Variants in CTBP2 observed in about 807,000 individuals in gnomAD.
CTBP2 encodes C-terminal-binding protein 2.
In CTBP2, 30 loss-of-function variants were observed where a neutral mutation model predicts 80.3. The ratio of observed to expected loss-of-function variants is 0.37; its 90% CI spans 0.28 to 0.51. CTBP2 has a LOEUF of 0.51. Among genes scored for constraint, CTBP2 ranks in the 20% least tolerant of loss-of-function variants. CTBP2 has a pLI of 0.93. For synonymous variants in CTBP2, 594 were observed against 587.4 expected (o/e 1.01, Z -0.16); for missense variants, 1,212 against 1,375.3 (o/e 0.88, Z 1.88).
rs144209188 is a variant in CTBP2 at position 125,002,967 on chromosome 10, G to A, written c.1971C>T (p.Gly657=). The A allele has an allele frequency of 3.5e-5, 56 of 1,612,690 alleles. No individual in the cohort carries two copies. In the Middle Eastern group the frequency reaches 5.6e-4, roughly 16 times the overall value. ...GCGCTGCCTCGCACTCACCGAGCTC[G>A]CCGGCAGCCTTGATGTCCACGTTGT... Residue 657 remains glycine, a synonymous_variant, in exon 3 of 9, where the codon GGC becomes GGT. Coordinates refer to ENST00000309035, the MANE Select transcript of CTBP2 (RefSeq NM_022802.3).
chr10:125,131,257 G>A (rs1302151253), intron 1 of CTBP2, among the ~76,000 whole-genome samples: 1 of 152,200 alleles, frequency 6.6e-6, no homozygotes, highest in East Asian at 1.9e-4. Context: ...AAGATCAGGA[G>A]CGTCTTCATG....
At chr10:125,130,317 G>A (rs1298339750) in intron 1 of CTBP2, among the ~76,000 whole-genome samples, 1 of 152,146 alleles carries the variant, frequency 6.6e-6, no homozygotes, top group Admixed American at 6.5e-5. Flanking sequence ...CAAAAATGCA[G>A]GGATTACAGG....
chr10:125,131,308 C>T (rs1564995904), intron 1 of CTBP2, among the ~76,000 whole-genome samples: 1 of 152,170 alleles, frequency 6.6e-6, no homozygotes, highest in Non-Finnish European at 1.5e-5. Context: ...ATTTTACAGC[C>T]CGACTTGCTT....
intron 1 of CTBP2, among the ~76,000 whole-genome samples, chr10:125,124,816 T>C (rs1854948453): frequency 6.6e-6 from 1 of 152,254 alleles, no homozygotes; most frequent in South Asian, 2.1e-4. Flanking sequence ...ACCAATCTTC[T>C]GCTACAGATC....
At chr10:125,009,038 A>G (rs993432357) in intron 1 of CTBP2, among the ~76,000 whole-genome samples, 3 of 152,160 alleles carry the variant, frequency 2.0e-5, no homozygotes, top group Admixed American at 6.5e-5. Context: ...ACAAATAGAG[A>G]ATGTGAGGTC....
chr10:125,068,963 T>C (rs1048743005), intron 2 of CTBP2, among the ~76,000 whole-genome samples: 29 of 152,208 alleles, frequency 1.9e-4, no homozygotes, highest in Non-Finnish European at 4.1e-4. Flanking sequence ...CAACTTATTT[T>C]ACTGCTGATC....
intron 2 of CTBP2, among the ~76,000 whole-genome samples, chr10:125,106,348 G>A (rs901793178): frequency 6.6e-6 from 1 of 152,338 alleles, no homozygotes; most frequent in Admixed American, 6.5e-5. Context: ...ACCCTGCAGT[G>A]TATGGGAAGC....
intron 1 of CTBP2, among the ~76,000 whole-genome samples, chr10:125,014,336 C>G (rs964604411): frequency 6.6e-6 from 1 of 152,190 alleles, no homozygotes; most frequent in Non-Finnish European, 1.5e-5. Context: ...CCTGTAGTCC[C>G]AGCTACTTAG....
At chr10:125,075,773 C>T (rs1846185769) in intron 2 of CTBP2, among the ~76,000 whole-genome samples, 1 of 152,196 alleles carries the variant, frequency 6.6e-6, no homozygotes, top group Non-Finnish European at 1.5e-5. Context: ...TTGCCAAATG[C>T]AGAGGATAAT....
In CTBP2 at chr10:125,027,345, A is replaced by C; in HGVS notation, c.415T>G (p.Tyr139Asp). The change falls in exon 1 of 9, where the codon TAC becomes GAC. Residue 139 changes from tyrosine (Y) to aspartate (D), a missense_variant. Transcript: ENST00000309035. ...GACGTTCTGCTGCCAAGCACTCCGT[A>C]GCTGGGGACCGGCCGGCTGACTCCT... The C allele has an allele frequency of 6.2e-7, 1 of 1,613,674 alleles. No individual in the cohort carries two copies. Among genetic ancestry groups the C allele is most frequent in the South Asian group, 1.1e-5 (1 of 91,070 alleles).
At chr10:125,018,669 G>A (rs559199339) in intron 1 of CTBP2, among the ~76,000 whole-genome samples, 2 of 152,248 alleles carry the variant, frequency 1.3e-5, no homozygotes, top group South Asian at 2.1e-4. Context: ...CCCCTACCTC[G>A]GCCCTGGCAA....
At chr10:125,081,601 T>C (rs1038798211) in intron 2 of CTBP2, among the ~76,000 whole-genome samples, 4 of 151,960 alleles carry the variant, frequency 2.6e-5, no homozygotes, top group Non-Finnish European at 4.4e-5. Context: ...AAAGGGTAAT[T>C]AGAAATTCTT....
intron 2 of CTBP2, among the ~76,000 whole-genome samples, chr10:125,093,118 T>C (rs1849035300): frequency 6.6e-6 from 1 of 152,240 alleles, no homozygotes; most frequent in Non-Finnish European, 1.5e-5. Context: ...CAAAGCCTGC[T>C]CAAGTATCAG....
intron 6 of CTBP2, among the ~76,000 whole-genome samples, chr10:124,993,634 A>G (rs1446682535): frequency 6.6e-6 from 1 of 151,938 alleles, no homozygotes; most frequent in Admixed American, 6.6e-5. Flanking sequence ...ACCCCCACCA[A>G]TTTTCTGCCT....
intron 2 of CTBP2, among the ~76,000 whole-genome samples, chr10:125,069,575 G>A (rs569974939): frequency 6.6e-6 from 1 of 152,338 alleles, no homozygotes; most frequent in East Asian, 1.9e-4. Context: ...GCCTGAGATC[G>A]TGCCATTGCA....
In CTBP2 at chr10:125,072,116, A is replaced by T. The variant is rs183099167; in HGVS notation, c.-101-32961T>A. Among the ~76,000 whole-genome samples, 549 of 152,310 alleles carry T rather than the reference A, an allele frequency of 3.6e-3. 2 individuals carry two copies. Among genetic ancestry groups the T allele is most frequent in the Non-Finnish European group, 6.4e-3 (436 of 68,018 alleles). ...CTCACGAGGTCAGGAGTTCGAGACC[A>T]GCCTGGCCAATATGGTGAAACCCCA... On this transcript the variant is annotated intron_variant, in intron 2 of 10. Transcript: ENST00000337195.
chr10:125,060,760 C>CG (rs1292538327), intron 2 of CTBP2, among the ~76,000 whole-genome samples: 3 of 152,160 alleles, frequency 2.0e-5, no homozygotes, highest in African/African-American at 7.2e-5. Context: ...TTCTCACAGT[C>CG]GAGGAATAAG....
chr10:125,026,140 C>T lies in CTBP2; in HGVS notation c.1620G>A (p.Lys540=). The change falls in exon 1 of 9, where the codon AAG becomes AAA. Residue 540 remains lysine, a synonymous_variant. Coordinates refer to ENST00000309035, the MANE Select transcript of CTBP2 (RefSeq NM_022802.3). ...TGGGTGCCCCTGTGCGCCGGGCCAC[C>T]TTCTGGTACGGTGAGTGAGGCGTGT... 1.2e-6 allele frequency: 2 copies of T among 1,600,906 alleles called. No individual in the cohort carries two copies. Among genetic ancestry groups the T allele is most frequent in the Non-Finnish European group, 1.7e-6 (2 of 1,170,256 alleles).
At chr10:125,057,906 C>T (rs987421786) in intron 2 of CTBP2, among the ~76,000 whole-genome samples, 1 of 152,144 alleles carries the variant, frequency 6.6e-6, no homozygotes, top group Non-Finnish European at 1.5e-5. Context: ...TCCTGGCCGT[C>T]CCACTTCCTG....
Sources: allele counts gnomAD v4.1 joint callset (sites outside exome capture counted in the v4.1 genomes callset), GRCh38; gene constraint gnomAD v4.1.1; transcripts MANE v1.5; gene names NCBI Gene and HGNC (gene_info 2026-07-23, HGNC 2026-07-21).